The following ROBO2 variants were observed in gnomAD, a reference collection of about 807,000 sequenced individuals.
ROBO2 encodes the protein roundabout homolog 2.
Under a neutral mutation model 160.8 loss-of-function variants are expected in ROBO2, and 53 were observed. The ratio of observed to expected loss-of-function variants is 0.33; its 90% CI spans 0.26 to 0.41. The LOEUF is 0.41. Ranked by LOEUF, ROBO2 falls within the 10% of genes least tolerant of loss-of-function variation. The probability of loss-of-function intolerance (pLI) is 1.00; values close to 1 mark genes in which losing one functional copy is unlikely to be tolerated. For synonymous variants in ROBO2, 664 were observed against 611.7 expected (o/e 1.09, Z -1.26); for missense variants, 1,577 against 1,722.4 (o/e 0.92, Z 1.49).
At chr3:76,402,512 T>C (rs1267655943) in intron 2 of ROBO2, among the ~76,000 whole-genome samples, 4 of 151,630 alleles carry the variant, frequency 2.6e-5, no homozygotes, top group African/African-American at 9.7e-5. Context: ...TATTATCTCA[T>C]AGTTCTGCAG....
chr3:77,491,805 G>A (rs941294287), intron 4 of ROBO2, among the ~76,000 whole-genome samples: 1 of 152,076 alleles, frequency 6.6e-6, no homozygotes, highest in African/African-American at 2.4e-5. Flanking sequence ...CCAGAGTACG[G>A]ATACTCTAGC....
intron 2 of ROBO2, among the ~76,000 whole-genome samples, chr3:77,103,906 T>C (rs2072413684): frequency 6.6e-6 from 1 of 152,212 alleles, no homozygotes; most frequent in South Asian, 2.1e-4. Flanking sequence ...CTCCTCAAGT[T>C]AATAAATATG....
intron 1 of ROBO2, among the ~76,000 whole-genome samples, chr3:77,086,855 T>C (rs1490477775): frequency 6.6e-6 from 1 of 152,300 alleles, no homozygotes; most frequent in East Asian, 1.9e-4. Flanking sequence ...CTTTCTATAC[T>C]TATATACCAA....
At chr3:77,062,774 A>C (rs1486808558) in intron 1 of ROBO2, among the ~76,000 whole-genome samples, 2 of 152,186 alleles carry the variant, frequency 1.3e-5, no homozygotes, top group Admixed American at 6.5e-5. Flanking sequence ...AGCAAGACAC[A>C]CAAAAAAAAT....
intron 7 of ROBO2, among the ~76,000 whole-genome samples, chr3:77,549,858 A>G (rs2092847807): frequency 6.6e-6 from 1 of 152,020 alleles, no homozygotes; most frequent in African/African-American, 2.4e-5. Context: ...AACCTGGAAA[A>G]TTAATTACTA....
At chr3:77,479,851 A>C (rs371989223) in intron 3 of ROBO2, among the ~76,000 whole-genome samples, 1 of 151,922 alleles carries the variant, frequency 6.6e-6, no homozygotes, top group African/African-American at 2.4e-5. Context: ...ATGATCTCTA[A>C]TTTTCCAGCA....
At chr3:76,360,242 G>C (rs1166839420) in intron 2 of ROBO2, among the ~76,000 whole-genome samples, 1 of 151,934 alleles carries the variant, frequency 6.6e-6, no homozygotes, top group Non-Finnish European at 1.5e-5. Context: ...CGGTTTTCCA[G>C]CTTTAATATT....
intron 2 of ROBO2, among the ~76,000 whole-genome samples, chr3:77,325,221 T>G (rs1474437376): frequency 6.6e-6 from 1 of 152,176 alleles, no homozygotes; most frequent in Non-Finnish European, 1.5e-5. Context: ...CTGAATGTTG[T>G]GCCTACAGAG....
chr3:76,676,458 T>C (rs1177505339), intron 2 of ROBO2, among the ~76,000 whole-genome samples: 1 of 152,218 alleles, frequency 6.6e-6, no homozygotes, highest in African/African-American at 2.4e-5. Context: ...GGCAGTTCTT[T>C]ATAGCAGCGT....
chr3:77,580,449 G>T (rs1175523229), intron 16 of ROBO2, among the ~76,000 whole-genome samples: 1 of 152,084 alleles, frequency 6.6e-6, no homozygotes, highest in Admixed American at 6.6e-5. Context: ...ACTGAAGAGA[G>T]ACCATCATGT....
chr3:77,292,893 C>CA (rs2061488124), intron 2 of ROBO2, among the ~76,000 whole-genome samples: 1 of 141,176 alleles, frequency 7.1e-6, no homozygotes. Flanking sequence ...GACGATTAAA[C>CA]GGTAAGCTGA....
chr3:77,640,622 T>A (rs561966747), intron 24 of ROBO2, among the ~76,000 whole-genome samples: 1 of 152,174 alleles, frequency 6.6e-6, no homozygotes, highest in Admixed American at 6.5e-5. Flanking sequence ...ACCTATCTCA[T>A]TGGACTGTTG....
At chr3:77,245,468 G>C (rs1321783615) in intron 2 of ROBO2, among the ~76,000 whole-genome samples, 1 of 152,204 alleles carries the variant, frequency 6.6e-6, no homozygotes, top group African/African-American at 2.4e-5. Context: ...TCATTCTCAT[G>C]ATAGATTCTG....
intron 2 of ROBO2, among the ~76,000 whole-genome samples, chr3:76,020,089 C>G (rs1209473231): frequency 6.6e-6 from 1 of 151,872 alleles, no homozygotes. Flanking sequence ...TTAGAGGCAT[C>G]AAAGTTGAAA....
At chr3:76,731,390 C>T (rs2093635336) in intron 2 of ROBO2, among the ~76,000 whole-genome samples, 1 of 152,046 alleles carries the variant, frequency 6.6e-6, no homozygotes, top group Admixed American at 6.6e-5. Flanking sequence ...TCCTGGGAGG[C>T]TATTATGCAT....
chr3:76,141,653 A>C (rs2071675102), intron 2 of ROBO2, among the ~76,000 whole-genome samples: 1 of 151,926 alleles, frequency 6.6e-6, no homozygotes, highest in Admixed American at 6.6e-5. Context: ...TATGTGCTAG[A>C]TATTTAGGGC....
chr3:76,163,530 G>C (rs2072717692), intron 2 of ROBO2, among the ~76,000 whole-genome samples: 1 of 148,710 alleles, frequency 6.7e-6, no homozygotes, highest in African/African-American at 2.5e-5. Flanking sequence ...ATGTTATATT[G>C]TATATGAATA....
At chr3:77,075,187 A>C (rs2067837470) in intron 1 of ROBO2, among the ~76,000 whole-genome samples, 1 of 152,158 alleles carries the variant, frequency 6.6e-6, no homozygotes, top group African/African-American at 2.4e-5. Flanking sequence ...AGAACAACCG[A>C]CCAGGTTTTT....
At chr3:76,473,108 A>T (rs1459172575) in intron 2 of ROBO2, among the ~76,000 whole-genome samples, 1 of 152,196 alleles carries the variant, frequency 6.6e-6, no homozygotes, top group Non-Finnish European at 1.5e-5. Context: ...AGGAGTACAC[A>T]TCAACACTCC....
Sources: allele counts gnomAD v4.1 joint callset (sites outside exome capture counted in the v4.1 genomes callset), GRCh38; gene constraint gnomAD v4.1.1; transcripts MANE v1.5; gene names NCBI Gene and HGNC (gene_info 2026-07-23, HGNC 2026-07-21).